The following LUZP2 variants were observed in gnomAD, a reference collection of about 807,000 sequenced individuals.
LUZP2 encodes leucine zipper protein 2.
Under a neutral mutation model 51.6 loss-of-function variants are expected in LUZP2, and 52 were observed. That is an observed-to-expected ratio of 1.01 (90% confidence interval 0.81 to 1.27). LUZP2 has a LOEUF of 1.27. LUZP2 is among the 50% of genes most tolerant of loss of function. LUZP2 has a pLI of 0.00. For synonymous variants in LUZP2, 154 were observed against 137.3 expected (o/e 1.12, Z -0.85); for missense variants, 436 against 395.4 (o/e 1.10, Z -0.87).
At chr11:24,503,443 A>T (rs79161368) in intron 1 of LUZP2, among the ~76,000 whole-genome samples, 9,717 of 152,270 alleles carry the variant, frequency 0.064, 327 homozygotes, top group Middle Eastern at 0.11. Context: ...TGAAGACAGA[A>T]GGTGAAGGTC....
intron 1 of LUZP2, among the ~76,000 whole-genome samples, chr11:24,499,438 T>C (rs912915857): frequency 1.3e-5 from 2 of 152,222 alleles, no homozygotes; most frequent in African/African-American, 2.4e-5. Flanking sequence ...ATGGTTATTG[T>C]GCAGATTAGA....
chr11:24,957,655 T>C (rs765263774), intron 7 of LUZP2, among the ~76,000 whole-genome samples: 53 of 152,196 alleles, frequency 3.5e-4, no homozygotes, highest in Non-Finnish European at 7.3e-4. Context: ...TCCATCCATG[T>C]TGTTACAAAT....
chr11:24,932,494 G>A (rs1194290834), intron 7 of LUZP2, among the ~76,000 whole-genome samples: 1 of 152,062 alleles, frequency 6.6e-6, no homozygotes, highest in Non-Finnish European at 1.5e-5. Flanking sequence ...ATGAGGGATA[G>A]GGGTGTGGTT....
intron 1 of LUZP2, among the ~76,000 whole-genome samples, chr11:24,510,909 T>A (rs1037346207): frequency 6.6e-6 from 1 of 152,158 alleles, no homozygotes; most frequent in Non-Finnish European, 1.5e-5. Flanking sequence ...CTTGTTGCTC[T>A]GTTGAGGTCT....
At chr11:25,045,794 C>T (rs1254310407) in intron 9 of LUZP2, among the ~76,000 whole-genome samples, 2 of 115,220 alleles carry the variant, frequency 1.7e-5, no homozygotes, top group African/African-American at 6.2e-5. Flanking sequence ...TATCTCAGAA[C>T]TTGTTTGTCA....
At chr11:25,007,837 T>C (rs1174203336) in intron 9 of LUZP2, among the ~76,000 whole-genome samples, 3 of 152,230 alleles carry the variant, frequency 2.0e-5, no homozygotes, top group African/African-American at 7.2e-5. Flanking sequence ...GTTATTAAAA[T>C]TTTGCTGTGA....
chr11:24,924,166 C>G (rs183202276), intron 7 of LUZP2, among the ~76,000 whole-genome samples: 1 of 151,970 alleles, frequency 6.6e-6, no homozygotes, highest in Non-Finnish European at 1.5e-5. Flanking sequence ...CAACCTCTGC[C>G]TCCCGCGTTC....
intron 1 of LUZP2, among the ~76,000 whole-genome samples, chr11:24,647,843 T>C (rs984339152): frequency 1.3e-5 from 2 of 151,914 alleles, no homozygotes; most frequent in South Asian, 2.1e-4. Flanking sequence ...TCTATTTTAA[T>C]ATCACCCTCT....
chr11:24,931,744 A>AT (rs1854462369), intron 7 of LUZP2, among the ~76,000 whole-genome samples: 1 of 151,870 alleles, frequency 6.6e-6, no homozygotes, highest in Non-Finnish European at 1.5e-5. Context: ...CAATTCAGAG[A>AT]TTTTTGTCTT....
intron 1 of LUZP2, among the ~76,000 whole-genome samples, chr11:24,532,259 AT>A: frequency 6.7e-6 from 1 of 148,940 alleles, no homozygotes; most frequent in Non-Finnish European, 1.5e-5. Context: ...GCAATTACAA[AT>A]TTAAAAAAAT....
chr11:24,615,385 C>T (rs948332269), intron 1 of LUZP2, among the ~76,000 whole-genome samples: 39 of 151,930 alleles, frequency 2.6e-4, no homozygotes. Context: ...TTAAATAATG[C>T]TTTATAAATA....
chr11:24,717,357 A>T (rs66616480), intron 1 of LUZP2, among the ~76,000 whole-genome samples: 2 of 151,320 alleles, frequency 1.3e-5, no homozygotes, highest in East Asian at 1.9e-4. Context: ...AACTCATGCC[A>T]TGGGGGTTTG....
At chr11:24,819,387 A>T (rs927224859) in intron 5 of LUZP2, among the ~76,000 whole-genome samples, 2 of 152,072 alleles carry the variant, frequency 1.3e-5, no homozygotes, top group Non-Finnish European at 2.9e-5. Flanking sequence ...ATGAGAAAAA[A>T]CACTAGTAGT....
intron 7 of LUZP2, among the ~76,000 whole-genome samples, chr11:24,921,287 G>A (rs146965315): frequency 2.2e-4 from 33 of 152,206 alleles, no homozygotes; most frequent in East Asian, 1.4e-3. Flanking sequence ...TGGAGGAGGC[G>A]GTGTTTTGTT....
chr11:24,839,990 G>T (rs1021092015), intron 5 of LUZP2, among the ~76,000 whole-genome samples: 1 of 151,644 alleles, frequency 6.6e-6, no homozygotes, highest in Non-Finnish European at 1.5e-5. Context: ...ATTTTGCCAT[G>T]AAAAGGAAAA....
intron 1 of LUZP2, among the ~76,000 whole-genome samples, chr11:24,532,511 C>A (rs1851038823): frequency 6.6e-6 from 1 of 150,926 alleles, no homozygotes; most frequent in Non-Finnish European, 1.5e-5. Context: ...TTATATGCAC[C>A]ATGAACACTT....
At chr11:24,641,172 C>T (rs1455240204) in intron 1 of LUZP2, among the ~76,000 whole-genome samples, 1 of 151,562 alleles carries the variant, frequency 6.6e-6, no homozygotes, top group Non-Finnish European at 1.5e-5. Flanking sequence ...ACCTCAGCCT[C>T]CCACAGTGCT....
intron 9 of LUZP2, among the ~76,000 whole-genome samples, chr11:25,034,783 T>A (rs1017236031): frequency 6.6e-6 from 1 of 152,102 alleles, no homozygotes; most frequent in Non-Finnish European, 1.5e-5. Context: ...GGTCTACATG[T>A]CTGTTTTTGT....
intron 6 of LUZP2, among the ~76,000 whole-genome samples, chr11:24,909,149 A>AAT (rs942729318): frequency 1.9e-4 from 29 of 150,298 alleles, no homozygotes; most frequent in Middle Eastern, 3.4e-3. Flanking sequence ...ATTTTTTAAA[A>AAT]ATATATATAT....
Sources: allele counts gnomAD v4.1 joint callset (sites outside exome capture counted in the v4.1 genomes callset), GRCh38; gene constraint gnomAD v4.1.1; transcripts MANE v1.5; gene names NCBI Gene and HGNC (gene_info 2026-07-23, HGNC 2026-07-21).